CUX1: variants seen among roughly 807,000 people sequenced by gnomAD.
The protein encoded by CUX1 is protein CASP.
A neutral mutation model predicts 158.8 loss-of-function variants in CUX1; 31 were observed. That is an observed-to-expected ratio of 0.20 (90% CI 0.15 to 0.26). The LOEUF (loss-of-function observed/expected upper bound fraction) is 0.26, where lower values mean the gene tolerates loss of function less well. Ranked by LOEUF, CUX1 falls within the 10% of genes least tolerant of loss-of-function variation. CUX1 has a pLI of 1.00. For synonymous variants in CUX1, 879 were observed against 862.1 expected, an observed-to-expected ratio of 1.02 and a Z score of -0.34; for missense variants, 1,589 against 2,014.6, an observed-to-expected ratio of 0.79 and a Z score of 4.04.
rs569487491 is a variant in CUX1 at position 102,246,533 on chromosome 7, A to G, written c.3888-1879A>G. Among the ~76,000 whole-genome samples the G allele has an allele frequency of 3.3e-5, 5 of 151,874 alleles. No homozygotes were observed. In the East Asian group the frequency reaches 9.7e-4, roughly 29 times the overall value. ...CTTCCCCAGGGGAGTCCCCACAGTC[A>G]GCACAGGACCCGGCGCAGAGTAGGA... On this transcript the variant is annotated intron_variant, in intron 23 of 23. Transcript: ENST00000292535.
chr7:102,176,676 A>G lies in CUX1; in HGVS notation c.829-1793A>G, dbSNP rs371692401. On this transcript the variant is annotated intron_variant, in intron 10 of 23. Coordinates refer to ENST00000292535, the MANE Select transcript of CUX1 (RefSeq NM_181552.4). The stretch of plus-strand genomic sequence containing the variant: ...GCCTCAACCTCCTCAAGCTCAAGCA[A>G]TCCTCCCGCCCCAGCCTCCTGAGTA... Among the ~76,000 whole-genome samples, 20 of 146,592 alleles carry G rather than the reference A, an allele frequency of 1.4e-4. No individual in the cohort carries two copies. The South Asian group carries it at 3.5e-3, about 25-fold the overall frequency.
rs1794522671 is a variant in CUX1 at position 102,193,850 on chromosome 7, A to G, written c.1085A>G (p.Lys362Arg). ...EEVKKELNIL[K>R]SMEFAPSEGA... ...CTGTTGTGCTCTTGCAGCATTCTGA[A>G]GTCCATGGAGTTTGCACCGTCCGAG... Residue 362 changes from lysine to arginine, a missense_variant, in exon 13 of 24, where the codon AAG (lysine) becomes AGG (arginine). This residue lies in a region of CUX1 where 515 missense variants were observed against 574.4 expected (regional missense o/e 0.90). Coordinates refer to ENST00000292535, the MANE Select transcript of CUX1 (RefSeq NM_181552.4). 2.5e-6 allele frequency: 4 copies of G among 1,614,004 alleles called. No homozygotes were observed. Among genetic ancestry groups the G allele is most frequent in the Non-Finnish European group, 3.4e-6 (4 of 1,179,974 alleles).
chr7:102,264,947 A>G (rs1554544783), intron 14 of CUX1: 1 of 152,300 alleles, frequency 6.6e-6, no homozygotes, highest in Non-Finnish European at 1.5e-5. Flanking sequence ...GGGGCTTTCC[A>G]AGGGCACCCC....
chr7:102,175,990 C>T (rs1554511806), intron 10 of CUX1, among the ~76,000 whole-genome samples: 3 of 152,244 alleles, frequency 2.0e-5, no homozygotes, highest in East Asian at 1.9e-4. Context: ...CTGCAGCTCA[C>T]GCTGCACAGA....
chr7:102,149,990 C>T (rs1835457422), intron 8 of CUX1, among the ~76,000 whole-genome samples: 2 of 152,190 alleles, frequency 1.3e-5, no homozygotes, highest in African/African-American at 4.8e-5. Flanking sequence ...CAGGTCATCA[C>T]GTGCAGCCCT....
intron 23 of CUX1, among the ~76,000 whole-genome samples, chr7:102,244,303 A>G (rs1194116161): frequency 6.9e-6 from 1 of 144,676 alleles, no homozygotes; most frequent in East Asian, 2.1e-4. Flanking sequence ...CTCAGGGAGT[A>G]ACACTTGGTG....
At chr7:101,833,562 TAAAAAA>T (rs534986714) in intron 1 of CUX1, among the ~76,000 whole-genome samples, 5 of 75,812 alleles carry the variant, frequency 6.6e-5, no homozygotes, top group South Asian at 5.9e-4. Flanking sequence ...CTCTGTCTCT[TAAAAAA>T]AAAAAAAAAA....
At chr7:101,899,578 G>A (rs537164716) in intron 1 of CUX1, among the ~76,000 whole-genome samples, 15 of 152,166 alleles carry the variant, frequency 9.9e-5, no homozygotes, top group East Asian at 5.8e-4. Flanking sequence ...AGTCACAGGA[G>A]GCCCAGCATA....
intron 8 of CUX1, among the ~76,000 whole-genome samples, chr7:102,147,579 T>C (rs528643474): frequency 8.5e-5 from 13 of 152,370 alleles, no homozygotes; most frequent in African/African-American, 3.1e-4. Context: ...TGTAGGCTCT[T>C]TCCTTAAAAG....
chr7:102,195,759 C>T (rs1331710075), intron 14 of CUX1, among the ~76,000 whole-genome samples, 156 bp downstream of exon 14: 4 of 152,240 alleles, frequency 2.6e-5, no homozygotes, highest in Admixed American at 2.6e-4. Context: ...GTGCCCTCCT[C>T]CTCACCGCTC....
intron 2 of CUX1, among the ~76,000 whole-genome samples, chr7:101,978,292 C>T (rs943668393): frequency 6.6e-6 from 1 of 152,182 alleles, no homozygotes; most frequent in Admixed American, 6.5e-5. Context: ...CCACACACAC[C>T]GCCTGCACCA....
chr7:101,886,638 C>T (rs540886959), intron 1 of CUX1, among the ~76,000 whole-genome samples: 3 of 152,274 alleles, frequency 2.0e-5, no homozygotes, highest in Admixed American at 6.5e-5. Flanking sequence ...GGGTCCCCTG[C>T]GAGGACCCAC....
chr7:102,245,264 C>CT (rs1460139848), intron 23 of CUX1, among the ~76,000 whole-genome samples: 1 of 152,146 alleles, frequency 6.6e-6, no homozygotes, highest in Non-Finnish European at 1.5e-5. Flanking sequence ...AGGCTGGTCT[C>CT]TAACTCCTGA....
At chr7:101,996,534 A>G (rs114142219) in intron 2 of CUX1, among the ~76,000 whole-genome samples, 1 of 151,968 alleles carries the variant, frequency 6.6e-6, no homozygotes, top group Non-Finnish European at 1.5e-5. Flanking sequence ...GGCGGTACTG[A>G]GGCAGAGGCA....
Position 102,253,845 on chromosome 7 carries a change from G to A in CUX1, c.*4803G>A. The A allele has an allele frequency of 3.0e-6, 3 of 985,814 alleles. No homozygotes were observed. Among genetic ancestry groups the A allele is most frequent in the South Asian group, 4.7e-5 (1 of 21,294 alleles). The allele number at this position is 985,814 out of a possible 1,614,324, so 61.1% of individuals were successfully genotyped here. A position where few individuals can be genotyped will look rare whatever the true frequency, so the allele number is the denominator to read the frequency against. ...GCTATTTGCTGTGGTACTTTAGGCT[G>A]GAGGTTTGGCTCCTGTGCTGCCGGT... On this transcript the variant is annotated 3_prime_UTR_variant, in exon 24 of 24. Transcript: ENST00000292535.
intron 8 of CUX1, among the ~76,000 whole-genome samples, chr7:102,155,939 G>A (rs190177391): frequency 6.6e-6 from 1 of 152,092 alleles, no homozygotes; most frequent in Non-Finnish European, 1.5e-5. Context: ...TCATGAAATC[G>A]TCCTAAAAAT....
At chr7:102,148,403 G>C (rs956022359) in intron 8 of CUX1, among the ~76,000 whole-genome samples, 1 of 152,086 alleles carries the variant, frequency 6.6e-6, no homozygotes, top group Non-Finnish European at 1.5e-5. Flanking sequence ...GCCAGGCGTG[G>C]TGGTGCACAC....
intron 2 of CUX1, among the ~76,000 whole-genome samples, chr7:101,929,955 C>A (rs917923763): frequency 6.6e-6 from 1 of 152,190 alleles, no homozygotes; most frequent in African/African-American, 2.4e-5. Flanking sequence ...GATTCTCCTA[C>A]CTCAGCCTCC....
chr7:102,167,712 C>T (rs1791208873), intron 9 of CUX1, among the ~76,000 whole-genome samples: 1 of 152,204 alleles, frequency 6.6e-6, no homozygotes, highest in Non-Finnish European at 1.5e-5. Flanking sequence ...TCATCAGAAA[C>T]ACTTGGCATG....
Sources: allele counts gnomAD v4.1 joint callset (sites outside exome capture counted in the v4.1 genomes callset), GRCh38; gene constraint gnomAD v4.1.1; regional missense constraint gnomAD v4.1.1; transcripts MANE v1.5; gene names NCBI Gene and HGNC (gene_info 2026-07-23, HGNC 2026-07-21).